Variants in PCDH9 observed in about 807,000 individuals in gnomAD.
PCDH9 encodes the protein protocadherin-9.
In PCDH9, 24 loss-of-function variants were observed where a neutral mutation model predicts 70.6. The ratio of observed to expected loss-of-function variants is 0.34; its 90% confidence interval spans 0.25 to 0.48. PCDH9 has a LOEUF of 0.48. Among genes scored for constraint, PCDH9 ranks in the 20% least tolerant of loss-of-function variants. The pLI is 0.99. For missense variants in PCDH9, 1,281 were observed against 1,503.6 expected (o/e 0.85, Z 2.45); for synonymous variants, 562 against 558.5 (o/e 1.01, Z -0.09).
At chr13:66,640,681 T>C (rs1287213873) in intron 3 of PCDH9, among the ~76,000 whole-genome samples, 1 of 152,048 alleles carries the variant, frequency 6.6e-6, no homozygotes, top group Non-Finnish European at 1.5e-5. Context: ...TATTCCAAGT[T>C]AGAGAATGAA....
At position 66,437,280 on chromosome 13, in the gene PCDH9, G is replaced by A. The variant is rs201037429; in HGVS notation, c.3341-132252C>T. ...ACATTAGCCGGGCGTGGTGGCGGGCGCCTGTAGTCCCAGCTACTCAGGAGG... is the reference window on the plus strand; with the variant it reads ...ACATTAGCCGGGCGTGGTGGCGGGCACCTGTAGTCCCAGCTACTCAGGAGG... On this transcript the variant is annotated intron_variant, in intron 4 of 4. Coordinates refer to ENST00000377865, the MANE Select transcript of PCDH9 (RefSeq NM_203487.3). Among the ~76,000 whole-genome samples, 120 of 151,240 alleles carry A rather than the reference G, an allele frequency of 7.9e-4. No individual in the cohort carries two copies. The East Asian group carries it at 0.014, about 17-fold the overall frequency.
intron 2 of PCDH9, among the ~76,000 whole-genome samples, chr13:67,035,694 T>A (rs988307826): frequency 6.6e-6 from 1 of 151,890 alleles, no homozygotes; most frequent in South Asian, 2.1e-4. Context: ...GAACTTTTCT[T>A]GAGATCAAGG....
chr13:66,490,613 C>T (rs1011587105), intron 4 of PCDH9, among the ~76,000 whole-genome samples: 5 of 151,924 alleles, frequency 3.3e-5, no homozygotes, highest in African/African-American at 9.7e-5. Context: ...CAGATCAATT[C>T]GTAATGTTTA....
chr13:66,307,517 C>A (rs982147188), intron 4 of PCDH9, among the ~76,000 whole-genome samples: 9 of 152,070 alleles, frequency 5.9e-5, no homozygotes, highest in African/African-American at 2.2e-4. Flanking sequence ...AATAATTTAA[C>A]TTCTCTGTTA....
chr13:66,888,892 A>T (rs1313320994), intron 3 of PCDH9, among the ~76,000 whole-genome samples: 3 of 152,212 alleles, frequency 2.0e-5, no homozygotes, highest in Non-Finnish European at 4.4e-5. Flanking sequence ...ATTTTCCTAC[A>T]ATAATTTTCT....
rs542475958 is a variant in PCDH9 at position 66,760,517 on chromosome 13, C to T, written c.3139-129106G>A. On this transcript the variant is annotated intron_variant, in intron 3 of 4. Transcript: ENST00000377865. ...CTGTCTTTACTTTAATCTCTTAATC[C>T]CGTCATCTTCGTAAGCTGAGGATGT... 7.9e-5 allele frequency among the ~76,000 whole-genome samples: 12 copies of T among 152,212 alleles called. No individual in the cohort carries two copies. In the East Asian group the frequency reaches 2.1e-3, roughly 27 times the overall value.
intron 4 of PCDH9, among the ~76,000 whole-genome samples, chr13:66,449,472 C>T (rs2138423569): frequency 6.6e-6 from 1 of 152,136 alleles, no homozygotes; most frequent in Middle Eastern, 3.4e-3. Flanking sequence ...TTTTGTTCTG[C>T]CACTCTTAGC....
intron 2 of PCDH9, among the ~76,000 whole-genome samples, chr13:67,053,820 T>A (rs181933386): frequency 1.4e-4 from 22 of 152,364 alleles, no homozygotes; most frequent in African/African-American, 5.3e-4. Flanking sequence ...ATTACTTGAA[T>A]AACACCTAGC....
intron 3 of PCDH9, among the ~76,000 whole-genome samples, chr13:66,651,236 G>GT (rs1272368835): frequency 2.0e-5 from 3 of 151,580 alleles, no homozygotes; most frequent in Non-Finnish European, 3.0e-5. Flanking sequence ...ACAAAAAAGT[G>GT]TTTTTTAAAT....
intron 3 of PCDH9, among the ~76,000 whole-genome samples, chr13:66,740,454 T>C (rs1032679778): frequency 3.4e-5 from 4 of 116,870 alleles, no homozygotes; most frequent in Non-Finnish European, 7.3e-5. Flanking sequence ...AGCAAACACA[T>C]TCAAAAGCTA....
chr13:66,327,365 G>C (rs771834390), intron 4 of PCDH9, among the ~76,000 whole-genome samples: 1 of 152,158 alleles, frequency 6.6e-6, no homozygotes, highest in African/African-American at 2.4e-5. Flanking sequence ...AATGTACTTT[G>C]AATTACTTTG....
At chr13:66,833,423 C>T (rs1325455301) in intron 3 of PCDH9, among the ~76,000 whole-genome samples, 1 of 152,128 alleles carries the variant, frequency 6.6e-6, no homozygotes, top group Non-Finnish European at 1.5e-5. Context: ...GATCCTCTTT[C>T]CACCCCAGGG....
At chr13:67,018,157 C>A (rs943364075) in intron 2 of PCDH9, among the ~76,000 whole-genome samples, 3 of 152,088 alleles carry the variant, frequency 2.0e-5, no homozygotes, top group African/African-American at 7.2e-5. Context: ...TCAGCAAATA[C>A]TAATTGCTAA....
At chr13:66,850,427 G>A (rs1214420912) in intron 3 of PCDH9, among the ~76,000 whole-genome samples, 1 of 151,968 alleles carries the variant, frequency 6.6e-6, no homozygotes, top group Non-Finnish European at 1.5e-5. Flanking sequence ...GCTGAGGCAG[G>A]AGGAACCTAG....
chr13:66,616,054 G>A (rs1278867257), intron 4 of PCDH9, among the ~76,000 whole-genome samples: 1 of 152,194 alleles, frequency 6.6e-6, no homozygotes, highest in Non-Finnish European at 1.5e-5. Context: ...GCCGATAGAA[G>A]CCCAATGGTG....
At chr13:66,306,165 A>G (rs1424694153) in intron 4 of PCDH9, 1 of 152,208 alleles carries the variant, frequency 6.6e-6, no homozygotes, top group Non-Finnish European at 1.5e-5. Flanking sequence ...TGCAGAAAAA[A>G]GTAAACATAC....
At chr13:66,688,281 T>A (rs950244662) in intron 3 of PCDH9, among the ~76,000 whole-genome samples, 2 of 152,160 alleles carry the variant, frequency 1.3e-5, no homozygotes. Context: ...TCCTCATTGA[T>A]GTATTCCTAG....
At chr13:66,535,181 C>T (rs1960645614) in intron 4 of PCDH9, among the ~76,000 whole-genome samples, 4 of 151,884 alleles carry the variant, frequency 2.6e-5, no homozygotes, top group Admixed American at 1.3e-4. Flanking sequence ...TTCTTCAGAA[C>T]ATGAAACACT....
intron 2 of PCDH9, among the ~76,000 whole-genome samples, chr13:67,046,604 T>C (rs768780224): frequency 2.6e-5 from 4 of 152,102 alleles, no homozygotes; most frequent in Non-Finnish European, 4.4e-5. Context: ...TTTATCACTA[T>C]GAACAATCTA....
Sources: allele counts gnomAD v4.1 joint callset (sites outside exome capture counted in the v4.1 genomes callset), GRCh38; gene constraint gnomAD v4.1.1; transcripts MANE v1.5; gene names NCBI Gene and HGNC (gene_info 2026-07-23, HGNC 2026-07-21).